Variants in FSTL4 observed in about 807,000 individuals in gnomAD.
The protein encoded by FSTL4 is follistatin-related protein 4.
Under a neutral mutation model 78.2 loss-of-function variants are expected in FSTL4, and 28 were observed. The observed-to-expected ratio is 0.36, with a 90% CI of 0.27 to 0.49. The LOEUF is 0.49. Among genes scored for constraint, FSTL4 ranks in the 20% least tolerant of loss-of-function variants. The pLI is 0.98. For missense variants in FSTL4, 922 were observed against 1,084.9 expected (o/e 0.85, Z 2.11); for synonymous variants, 422 against 440.5 (o/e 0.96, Z 0.53).
At chr5:133,741,401 C>T in the FSTL4 span, among the ~76,000 whole-genome samples, 1 of 152,248 alleles carries the variant, frequency 6.6e-6, no homozygotes, top group Non-Finnish European at 1.5e-5. Context: ...GGAAAGTGGC[C>T]TGGCCTTTTG....
chr5:133,235,149 C>T (rs1048369063), intron 7 of FSTL4, among the ~76,000 whole-genome samples: 5 of 152,058 alleles, frequency 3.3e-5, no homozygotes, highest in African/African-American at 1.2e-4. Flanking sequence ...GCTAACACTC[C>T]AGAGGGCCCG....
At chr5:133,632,705 A>C in the FSTL4 span, among the ~76,000 whole-genome samples, 1 of 152,014 alleles carries the variant, frequency 6.6e-6, no homozygotes, top group Non-Finnish European at 1.5e-5. Context: ...TTTTCTTTTG[A>C]AACAGGGTCT....
intron 3 of FSTL4, among the ~76,000 whole-genome samples, chr5:133,419,180 G>A (rs1781649702): frequency 6.6e-6 from 1 of 152,112 alleles, no homozygotes; most frequent in African/African-American, 2.4e-5. Flanking sequence ...AGGCTGGAGT[G>A]CAGTGGCATA....
the FSTL4 span, among the ~76,000 whole-genome samples, chr5:133,814,111 A>G: frequency 6.6e-6 from 1 of 152,226 alleles, no homozygotes; most frequent in African/African-American, 2.4e-5. Flanking sequence ...GTAAGAACAC[A>G]AAACCTGACA....
the FSTL4 span, among the ~76,000 whole-genome samples, chr5:133,759,117 G>T: frequency 6.6e-6 from 1 of 152,170 alleles, no homozygotes; most frequent in Non-Finnish European, 1.5e-5. Context: ...TTCAAAAAAC[G>T]TGCAAGGGTA....
intron 4 of FSTL4, among the ~76,000 whole-genome samples, chr5:133,370,424 AT>A (rs575928709): frequency 0.011 from 1,661 of 150,484 alleles, 12 homozygotes; most frequent in Non-Finnish European, 0.016. Context: ...GAGAGTCCTA[AT>A]TTTTTTTTTA....
chr5:133,655,080 C>G, the FSTL4 span, among the ~76,000 whole-genome samples: 1 of 152,190 alleles, frequency 6.6e-6, no homozygotes, highest in Non-Finnish European at 1.5e-5. Flanking sequence ...CCCAATATAG[C>G]TCAAGCTAGA....
the FSTL4 span, among the ~76,000 whole-genome samples, chr5:133,771,663 AC>A: frequency 6.6e-6 from 1 of 152,244 alleles, no homozygotes; most frequent in African/African-American, 2.4e-5. Context: ...TCTAGATGTA[AC>A]ATCATATCAT....
At chr5:133,617,564 C>T in the FSTL4 span, among the ~76,000 whole-genome samples, 2 of 152,326 alleles carry the variant, frequency 1.3e-5, no homozygotes, top group African/African-American at 4.8e-5. Flanking sequence ...TGCCCCAAGT[C>T]TTCTTTGAAG....
chr5:133,468,713 A>T (rs369676767), intron 3 of FSTL4, among the ~76,000 whole-genome samples: 44 of 152,280 alleles, frequency 2.9e-4, no homozygotes, highest in African/African-American at 1.1e-3. Context: ...AGCACCGGGC[A>T]AACTCCCCCA....
At chr5:133,200,126 T>A (rs149714128) in intron 15 of FSTL4, among the ~76,000 whole-genome samples, 1 of 152,228 alleles carries the variant, frequency 6.6e-6, no homozygotes, top group South Asian at 2.1e-4. Context: ...CTGAGGCCCA[T>A]GCCAGCTAGA....
chr5:133,240,127 C>CTGAAGCCA (rs1751797842), intron 7 of FSTL4, among the ~76,000 whole-genome samples: 1 of 152,220 alleles, frequency 6.6e-6, no homozygotes, highest in African/African-American at 2.4e-5. Context: ...AGCTGCACTT[C>CTGAAGCCA]TGAAGCCAGC....
intron 14 of FSTL4, among the ~76,000 whole-genome samples, chr5:133,209,352 G>A (rs1203856089): frequency 2.0e-5 from 3 of 152,158 alleles, no homozygotes; most frequent in Non-Finnish European, 2.9e-5. Flanking sequence ...GGGTTCTACA[G>A]GGGAGTTAGC....
At chr5:133,438,814 G>A (rs1356822659) in intron 3 of FSTL4, among the ~76,000 whole-genome samples, 3 of 152,234 alleles carry the variant, frequency 2.0e-5, no homozygotes, top group Admixed American at 6.5e-5. Flanking sequence ...CTCTGCCTTT[G>A]GGGAAGGTCT....
chr5:133,300,061 G>A (rs1753499010), intron 6 of FSTL4, among the ~76,000 whole-genome samples: 1 of 152,126 alleles, frequency 6.6e-6, no homozygotes, highest in Non-Finnish European at 1.5e-5. Flanking sequence ...GCTTTACCAG[G>A]AAGCTCTGTC....
chr5:133,768,650 GT>G, the FSTL4 span, among the ~76,000 whole-genome samples: 1 of 152,194 alleles, frequency 6.6e-6, no homozygotes, highest in Admixed American at 6.5e-5. Flanking sequence ...TCTGTGTAAA[GT>G]TTGCTTTTGT....
intron 3 of FSTL4, among the ~76,000 whole-genome samples, chr5:133,496,606 G>C (rs1758371198): frequency 6.6e-6 from 1 of 152,146 alleles, no homozygotes; most frequent in Non-Finnish European, 1.5e-5. Context: ...TGGTATCTCT[G>C]GCCACAATAC....
chr5:133,542,381 C>T (rs1222070010), intron 3 of FSTL4, among the ~76,000 whole-genome samples: 1 of 152,100 alleles, frequency 6.6e-6, no homozygotes, highest in African/African-American at 2.4e-5. Flanking sequence ...ATATAGTTTG[C>T]TAATTTTTGC....
intron 3 of FSTL4, among the ~76,000 whole-genome samples, chr5:133,443,697 A>T (rs1336003252): frequency 6.6e-6 from 1 of 151,888 alleles, no homozygotes; most frequent in Admixed American, 6.6e-5. Context: ...GAGGGCACAG[A>T]CTCACTCACT....
Sources: allele counts gnomAD v4.1 joint callset (sites outside exome capture counted in the v4.1 genomes callset), GRCh38; gene constraint gnomAD v4.1.1; transcripts MANE v1.5; gene names NCBI Gene and HGNC (gene_info 2026-07-23, HGNC 2026-07-21).